Variants in DYNC2H1 observed in about 807,000 individuals in gnomAD.
DYNC2H1 encodes dynein cytoplasmic 2 heavy chain 1, also known as cytoplasmic dynein 2 heavy chain 1.
DYNC2H1 carries 410 observed loss-of-function variants against 570.0 expected under a neutral mutation model. The observed-to-expected ratio is 0.72, with a 90% CI of 0.66 to 0.78. DYNC2H1 has a LOEUF of 0.78. Among genes scored for constraint, DYNC2H1 ranks in the 30% least tolerant of loss-of-function variants. DYNC2H1 has a pLI of 0.00. For missense variants in DYNC2H1, 4,865 were observed against 5,046.4 expected, an observed-to-expected ratio of 0.96 and a Z score of 1.09; for synonymous variants, 1,688 against 1,677.6, an observed-to-expected ratio of 1.01 and a Z score of -0.15.
chr11:103,176,185 TTCA>T (rs1438802764), intron 36 of DYNC2H1, 47 bp from the exon 37 acceptor site: 7 of 1,389,670 alleles, frequency 5.0e-6, no homozygotes, highest in Non-Finnish European at 6.6e-6. Context: ...AAAAACTTTT[TTCA>T]TCATTAAAGT....
intron 83 of DYNC2H1, 59 bp from the exon 84 acceptor site, chr11:103,399,604 T>A: frequency 8.2e-7 from 1 of 1,217,030 alleles, no homozygotes; most frequent in South Asian, 1.5e-5. Flanking sequence ...TTTCAAAGCG[T>A]TTTATATATC....
intron 17 of DYNC2H1, among the ~76,000 whole-genome samples, chr11:103,142,788 G>C (rs755094417): frequency 6.6e-6 from 1 of 152,134 alleles, no homozygotes; most frequent in South Asian, 2.1e-4. Context: ...GCTTATTTCC[G>C]TTTAAGTATA....
At position 103,477,454 on chromosome 11, in the gene DYNC2H1, G is replaced by T. The variant is rs953752697; in HGVS notation, c.12766-1641G>T. On this transcript the variant is annotated intron_variant, in intron 88 of 88. Coordinates refer to ENST00000375735, the MANE Select transcript of DYNC2H1 (RefSeq NM_001377.3). ...AAAATGCTAATCCTATATTTGAATTGGAAATACAATTATGAACTCATGATG... is the reference window on the plus strand; with the variant it reads ...AAAATGCTAATCCTATATTTGAATTTGAAATACAATTATGAACTCATGATG... Among the ~76,000 whole-genome samples, 3 of 152,108 alleles carry T rather than the reference G, an allele frequency of 2.0e-5. 1 individual carries two copies. Among genetic ancestry groups the T allele is most frequent in the East Asian group, 3.9e-4 (2 of 5,168 alleles).
intron 70 of DYNC2H1, among the ~76,000 whole-genome samples, chr11:103,267,865 TC>T (rs1314592813): frequency 1.3e-5 from 2 of 151,970 alleles, no homozygotes; most frequent in African/African-American, 4.8e-5. Flanking sequence ...TTCCATAATT[TC>T]TCTCTTCTTT....
At chr11:103,248,648 A>C (rs981498707) in intron 65 of DYNC2H1, among the ~76,000 whole-genome samples, 3 of 152,026 alleles carry the variant, frequency 2.0e-5, no homozygotes, top group African/African-American at 4.8e-5. Flanking sequence ...AGACAGATAA[A>C]ATTGTGGAGC....
intron 26 of DYNC2H1, 70 bp from the exon 27 acceptor site, chr11:103,158,607 T>G: frequency 4.6e-6 from 6 of 1,292,714 alleles, no homozygotes; most frequent in Non-Finnish European, 6.4e-6. Context: ...GTAAAAAAAG[T>G]CTTAATCTGT....
At chr11:103,470,990 C>G (rs916246992) in intron 88 of DYNC2H1, among the ~76,000 whole-genome samples, 1 of 152,100 alleles carries the variant, frequency 6.6e-6, no homozygotes, top group Non-Finnish European at 1.5e-5. Context: ...GGAATCGCCA[C>G]ACTGACTTCC....
intron 84 of DYNC2H1, among the ~76,000 whole-genome samples, chr11:103,420,912 A>G (rs781539531): frequency 1.3e-5 from 2 of 152,230 alleles, no homozygotes; most frequent in African/African-American, 2.4e-5. Context: ...TAAATGCTCC[A>G]ATTAAAAGAC....
chr11:103,215,058 T>G (rs1426129749), intron 54 of DYNC2H1, among the ~76,000 whole-genome samples: 1 of 152,136 alleles, frequency 6.6e-6, no homozygotes, highest in African/African-American at 2.4e-5. Flanking sequence ...TGGTGGAGTC[T>G]TTAGGTTTTT....
At chr11:103,463,882 T>C (rs2135834019) in intron 87 of DYNC2H1, among the ~76,000 whole-genome samples, 1 of 152,294 alleles carries the variant, frequency 6.6e-6, no homozygotes, top group East Asian at 1.9e-4. Context: ...TGAATCTCAC[T>C]ACCTATCCAC....
intron 15 of DYNC2H1, 104 bp from the exon 16 acceptor site, chr11:103,135,391 A>T: frequency 9.1e-7 from 1 of 1,099,906 alleles, no homozygotes. Context: ...AGTTGGTTTT[A>T]TTTTTGTGAT....
At chr11:103,452,097 G>T (rs754145579) in intron 85 of DYNC2H1, among the ~76,000 whole-genome samples, 1 of 151,894 alleles carries the variant, frequency 6.6e-6, no homozygotes, top group Non-Finnish European at 1.5e-5. Flanking sequence ...ACAGTTTTAG[G>T]TTAGAATGTG....
chr11:103,466,595 C>G (rs1945201630), intron 87 of DYNC2H1, among the ~76,000 whole-genome samples: 1 of 151,900 alleles, frequency 6.6e-6, no homozygotes, highest in South Asian at 2.1e-4. Context: ...TGGAGGTGGG[C>G]AAAAGATTTT....
intron 85 of DYNC2H1, among the ~76,000 whole-genome samples, chr11:103,453,265 ACTTTGTT>A (rs1206368642): frequency 6.6e-6 from 1 of 152,000 alleles, no homozygotes; most frequent in Non-Finnish European, 1.5e-5. Context: ...TATGCCTACG[ACTTTGTT>A]CAAAGCCCAA....
At chr11:103,143,433 A>C in intron 18 of DYNC2H1, 38 bp downstream of exon 18, 3 of 1,542,838 alleles carry the variant, frequency 1.9e-6, no homozygotes, top group Non-Finnish European at 2.6e-6. Context: ...TACCATAATA[A>C]TTTTTTGACA....
At position 103,188,649 on chromosome 11, in the gene DYNC2H1, GTA is replaced by G. The variant is rs1201124937; in HGVS notation, c.7292+3_7292+4del. On this transcript the variant is annotated splice_donor_variant and splice_donor_region_variant and intron_variant, in intron 44 of 88. Transcript: ENST00000375735. LOFTEE classifies it high-confidence loss of function. ...CCATCGTTCGTCTTTGTTCTATAGA[GTA>G]TGTATCTTTGTGTTTCAGATTTTTT... 1.3e-6 allele frequency: 2 copies of G among 1,550,256 alleles called. No homozygotes were observed. Among genetic ancestry groups the G allele is most frequent in the Non-Finnish European group, 1.7e-6 (2 of 1,146,904 alleles).
chr11:103,204,982 TA>T lies in DYNC2H1; in HGVS notation c.8454+24del. 1 of 1,537,092 alleles carries T rather than the reference TA, an allele frequency of 6.5e-7. No homozygotes were observed. Among genetic ancestry groups the T allele is most frequent in the South Asian group, 1.3e-5 (1 of 79,536 alleles). On this transcript the variant is annotated intron_variant, in intron 52 of 88. Coordinates refer to ENST00000375735, the MANE Select transcript of DYNC2H1 (RefSeq NM_001377.3). The surrounding 1 kb of genome is among the most constrained non-coding windows in gnomAD (Gnocchi z 4.1). ...TGAAGAAAGTAAGTTTAACAAATAT[TA>T]AAAAATTTAAAAGCACATTTTATTT...
chr11:103,295,493 A>G (rs1348231651), intron 75 of DYNC2H1, among the ~76,000 whole-genome samples: 2 of 152,148 alleles, frequency 1.3e-5, no homozygotes, highest in African/African-American at 2.4e-5. Flanking sequence ...AGAAAAACAA[A>G]TTTTTCTTTC....
At chr11:103,450,381 C>T (rs547106032) in intron 85 of DYNC2H1, among the ~76,000 whole-genome samples, 1 of 152,254 alleles carries the variant, frequency 6.6e-6, no homozygotes, top group East Asian at 1.9e-4. Context: ...TTAACAAAAG[C>T]AGAATGCGCA....
Sources: gnomAD v4.1 joint callset for allele counts (sites outside exome capture counted in the v4.1 genomes callset) on GRCh38, gnomAD v4.1.1 for gene constraint, Gnocchi (gnomAD v3.1) non-coding constraint, MANE v1.5 for transcripts, NCBI Gene and HGNC (gene_info 2026-07-23, HGNC 2026-07-21) for gene names.